The following NOS1AP variants were observed in gnomAD, a reference collection of about 807,000 sequenced individuals.
NOS1AP encodes nitric oxide synthase 1 adaptor protein, also known as carboxyl-terminal PDZ ligand of neuronal nitric oxide synthase protein.
Under a neutral mutation model 56.2 loss-of-function variants are expected in NOS1AP, and 21 were observed. The observed-to-expected ratio is 0.37, with a 90% CI of 0.26 to 0.54. The LOEUF is 0.54. Among genes scored for constraint, NOS1AP ranks in the 20% least tolerant of loss-of-function variants. NOS1AP has a pLI of 0.84. For missense variants in NOS1AP, 522 were observed against 657.8 expected (o/e 0.79, Z 2.26); for synonymous variants, 270 against 274.6 (o/e 0.98, Z 0.17).
At chr1:162,084,445 G>A (rs1027509804) in intron 1 of NOS1AP, among the ~76,000 whole-genome samples, 4 of 152,148 alleles carry the variant, frequency 2.6e-5, no homozygotes, top group African/African-American at 9.7e-5. Flanking sequence ...GCTGGCCTTA[G>A]TACCACTGGG....
At chr1:162,249,085 TG>T in intron 2 of NOS1AP, among the ~76,000 whole-genome samples, 1 of 152,274 alleles carries the variant, frequency 6.6e-6, no homozygotes, top group Non-Finnish European at 1.5e-5. Context: ...TGGATCAGCG[TG>T]GGGGAGCAAG....
chr1:162,114,082 C>G (rs1489494752), intron 1 of NOS1AP, among the ~76,000 whole-genome samples: 1 of 152,124 alleles, frequency 6.6e-6, no homozygotes, highest in African/African-American at 2.4e-5. Flanking sequence ...TTTAAGGTGG[C>G]ACAGTGTTTG....
At chr1:162,288,930 G>A (rs957432818) in intron 3 of NOS1AP, among the ~76,000 whole-genome samples, 1 of 152,190 alleles carries the variant, frequency 6.6e-6, no homozygotes, top group South Asian at 2.1e-4. Flanking sequence ...ACAGTCACGG[G>A]ACAGTCTTTA....
At chr1:162,357,953 C>A (rs985786065) in intron 8 of NOS1AP, among the ~76,000 whole-genome samples, 1 of 148,532 alleles carries the variant, frequency 6.7e-6, no homozygotes, top group Non-Finnish European at 1.5e-5. Context: ...TTCATTCATA[C>A]CCAAGGCTGA....
At chr1:162,366,956 G>A in intron 9 of NOS1AP, 96 bp from the exon 10 acceptor site, 1 of 1,426,324 alleles carries the variant, frequency 7.0e-7, no homozygotes, top group Non-Finnish European at 9.9e-7. Context: ...GGTCTGGGAA[G>A]GGCTTTGGCA....
At chr1:162,260,154 C>G (rs139264675) in intron 2 of NOS1AP, among the ~76,000 whole-genome samples, 1 of 151,838 alleles carries the variant, frequency 6.6e-6, no homozygotes, top group Non-Finnish European at 1.5e-5. Flanking sequence ...TAATGAGGGT[C>G]TGTTGTCAGA....
At chr1:162,311,739 C>G (rs1362389191) in intron 4 of NOS1AP, among the ~76,000 whole-genome samples, 1 of 142,706 alleles carries the variant, frequency 7.0e-6, no homozygotes. Flanking sequence ...CCCCTCCCCC[C>G]ACCCCACAAC....
chr1:162,228,702 C>T (rs549452111), intron 2 of NOS1AP, among the ~76,000 whole-genome samples: 3 of 152,300 alleles, frequency 2.0e-5, no homozygotes, highest in Admixed American at 2.0e-4. Context: ...TTTTCTCTAC[C>T]CCGGCTGCCT....
At position 162,367,228 on chromosome 1, in the gene NOS1AP, C is replaced by T. The variant is rs771065819; in HGVS notation, c.1282C>T (p.Leu428=). The T allele has an allele frequency of 1.2e-6, 2 of 1,613,948 alleles. No homozygotes were observed. The highest frequency in any genetic ancestry group is 1.7e-6 in the Non-Finnish European group (2 of 1,179,976). ...AGGTAGGCGCGACTGCTTGGTGAAG[C>T]TGGAGTGCTTTCGCTTTCTTCCGCC... The part of the protein sequence containing the change: ...PLGRRDCLVK[L]ECFRFLPPED... The change falls in exon 10 of 10, where the codon CTG becomes TTG. Residue 428 remains leucine (L), a synonymous_variant. Transcript: ENST00000361897. The surrounding 1 kb of genome is among the most constrained non-coding windows in gnomAD (Gnocchi z 6.5).
At chr1:162,347,142 TCTG>T (rs1374314426) in intron 6 of NOS1AP, among the ~76,000 whole-genome samples, 1 of 152,234 alleles carries the variant, frequency 6.6e-6, no homozygotes, top group East Asian at 1.9e-4. Context: ...CAGAAACCAA[TCTG>T]CTCATTTCTG....
chr1:162,138,292 G>A (rs1175449253), intron 1 of NOS1AP, among the ~76,000 whole-genome samples: 6 of 152,152 alleles, frequency 3.9e-5, no homozygotes, highest in Non-Finnish European at 7.3e-5. Flanking sequence ...GCAGTGGGGC[G>A]GTGGTGATGG....
chr1:162,078,547 C>T (rs948612448), intron 1 of NOS1AP, among the ~76,000 whole-genome samples: 19 of 152,078 alleles, frequency 1.2e-4, no homozygotes, highest in Admixed American at 6.5e-5. Context: ...AGATGCTCCA[C>T]CCCCTCCCCT....
At chr1:162,260,465 C>T (rs999986403) in intron 2 of NOS1AP, among the ~76,000 whole-genome samples, 10 of 152,152 alleles carry the variant, frequency 6.6e-5, no homozygotes, top group East Asian at 1.9e-4. Flanking sequence ...AGCTTTGTAA[C>T]GCATGTAATA....
rs188091784 is a variant in NOS1AP at position 162,074,760 on chromosome 1, A to G, written c.105+4478A>G. Among the ~76,000 whole-genome samples the G allele has an allele frequency of 2.0e-5, 3 of 152,272 alleles. No homozygotes were observed. In the East Asian group the frequency reaches 5.8e-4, roughly 29 times the overall value. On this transcript the variant is annotated intron_variant, in intron 1 of 9. Coordinates refer to ENST00000361897, the MANE Select transcript of NOS1AP (RefSeq NM_014697.3). ...TTGACTGGATCACTCACTTTGCTGC[A>G]TTCATCCACAGCTAGGCTGGAATGT...
intron 4 of NOS1AP, among the ~76,000 whole-genome samples, chr1:162,328,219 G>T (rs1656655470): frequency 6.6e-6 from 1 of 152,180 alleles, no homozygotes; most frequent in Non-Finnish European, 1.5e-5. Context: ...AGAGGAGTCG[G>T]AGAGTGGGGA....
intron 2 of NOS1AP, among the ~76,000 whole-genome samples, chr1:162,199,077 G>A (rs1308802760): frequency 3.9e-5 from 6 of 152,176 alleles, no homozygotes; most frequent in African/African-American, 1.4e-4. Flanking sequence ...CTGCTTCATT[G>A]TTAGGGGATA....
chr1:162,367,673 C>T lies in NOS1AP; in HGVS notation c.*206C>T, dbSNP rs1658145547. 1.6e-6 allele frequency: 1 copy of T among 615,724 alleles called. No individual in the cohort carries two copies. The highest frequency in any genetic ancestry group is 2.8e-6 in the Non-Finnish European group (1 of 356,290). 38.1% of individuals were successfully genotyped at this position (615,724 alleles called of 1,614,324 possible). ...AATCGGATTCCCAGAGGTGAATCAG[C>T]TCCTCTCCTACTTGTGACTAGAGGG... is the stretch of plus-strand genomic sequence containing the variant. On this transcript the variant is annotated 3_prime_UTR_variant, in exon 10 of 10. Coordinates refer to ENST00000361897, the MANE Select transcript of NOS1AP (RefSeq NM_014697.3). This position sits in a 1 kb window ranked among gnomAD's most constrained non-coding sequence, Gnocchi z 6.5.
At chr1:162,161,752 A>T (rs577256273) in intron 2 of NOS1AP, among the ~76,000 whole-genome samples, 4 of 152,172 alleles carry the variant, frequency 2.6e-5, no homozygotes, top group African/African-American at 7.2e-5. Context: ...CTAATTTTTT[A>T]AATTATTTGT....
At chr1:162,197,610 G>C (rs1199385867) in intron 2 of NOS1AP, among the ~76,000 whole-genome samples, 1 of 152,198 alleles carries the variant, frequency 6.6e-6, no homozygotes, top group Non-Finnish European at 1.5e-5. Context: ...ACACAGTCTG[G>C]AAGTAAGGCA....
Sources: allele counts gnomAD v4.1 joint callset (sites outside exome capture counted in the v4.1 genomes callset), GRCh38; gene constraint gnomAD v4.1.1; non-coding constraint Gnocchi (gnomAD v3.1); transcripts MANE v1.5; gene names NCBI Gene and HGNC (gene_info 2026-07-23, HGNC 2026-07-21).